The following RUNX1T1 variants were observed in gnomAD, a reference collection of about 807,000 sequenced individuals.
RUNX1T1 encodes the protein RUNX1 partner transcriptional co-repressor 1.
Under a neutral mutation model 62.8 loss-of-function variants are expected in RUNX1T1, and 4 were observed. That is an observed-to-expected ratio of 0.06 (90% confidence interval 0.03 to 0.15). RUNX1T1 has a LOEUF of 0.15. Ranked by LOEUF, RUNX1T1 falls within the 10% of genes least tolerant of loss-of-function variation. The pLI is 1.00. For missense variants in RUNX1T1, 508 were observed against 754.3 expected, an observed-to-expected ratio of 0.67 and a Z score of 3.82; for synonymous variants, 291 against 286.0, an observed-to-expected ratio of 1.02 and a Z score of -0.18.
chr8:92,073,543 C>T (rs1334718512), intron 2 of RUNX1T1, among the ~76,000 whole-genome samples: 1 of 152,098 alleles, frequency 6.6e-6, no homozygotes, highest in Non-Finnish European at 1.5e-5. Context: ...ATTACAACTC[C>T]AAAACTCTAA....
chr8:92,021,665 T>C (rs1824124274), intron 1 of RUNX1T1, among the ~76,000 whole-genome samples: 1 of 151,898 alleles, frequency 6.6e-6, no homozygotes, highest in Admixed American at 6.6e-5. Flanking sequence ...CAGAAAAAAA[T>C]GCAAAAATGA....
intron 1 of RUNX1T1, among the ~76,000 whole-genome samples, chr8:92,025,957 G>A (rs1825060333): frequency 6.6e-6 from 1 of 152,066 alleles, no homozygotes; most frequent in Non-Finnish European, 1.5e-5. Flanking sequence ...AGTTTGTAAG[G>A]CAATTTATAC....
upstream of RUNX1T1, among the ~76,000 whole-genome samples, chr8:92,101,399 G>C (rs1173409852): frequency 6.6e-6 from 1 of 152,114 alleles, no homozygotes; most frequent in Non-Finnish European, 1.5e-5. Flanking sequence ...CAGCTCTCCT[G>C]GTCTTCACTC....
chr8:92,076,036 C>G (rs766479050), exon 2 of RUNX1T1: 1 of 1,610,822 alleles, frequency 6.2e-7, no homozygotes, highest in South Asian at 1.1e-5. Flanking sequence ...CCAAGTGTTT[C>G]TTTTGACAGA....
At chr8:92,095,470 T>G in intron 1 of RUNX1T1, 1 of 1,533,432 alleles carries the variant, frequency 6.5e-7, no homozygotes, top group Non-Finnish European at 8.7e-7. Context: ...TGGCACATTG[T>G]GTGTGAGTGA....
At chr8:92,068,883 T>C (rs1010143723) in intron 2 of RUNX1T1, among the ~76,000 whole-genome samples, 14 of 152,186 alleles carry the variant, frequency 9.2e-5, no homozygotes, top group African/African-American at 3.4e-4. Flanking sequence ...TCTGTAGACA[T>C]GCAGCTTAAT....
At chr8:92,018,411 T>G (rs1284820861) in intron 1 of RUNX1T1, among the ~76,000 whole-genome samples, 1 of 152,336 alleles carries the variant, frequency 6.6e-6, no homozygotes, top group Admixed American at 6.5e-5. Flanking sequence ...TCAACAGCAG[T>G]ATCAGAGTCT....
At chr8:92,026,236 T>G (rs1039595181) in intron 1 of RUNX1T1, among the ~76,000 whole-genome samples, 1 of 152,184 alleles carries the variant, frequency 6.6e-6, no homozygotes, top group South Asian at 2.1e-4. Context: ...AAAACCCTAT[T>G]AGGATAAATC....
At chr8:91,959,335 G>T (rs950313155) in exon 11 of RUNX1T1, 1 of 223,564 alleles carries the variant, frequency 4.5e-6, no homozygotes, top group African/African-American at 2.2e-5. Context: ...GTGAAGAAAC[G>T]TTGAAGGGTT....
chr8:91,986,753 C>G lies in RUNX1T1; in HGVS notation c.996+134G>C, dbSNP rs1029964581. 2.6e-5 allele frequency: 17 copies of G among 659,838 alleles called. 1 individual carries two copies. In the South Asian group the frequency reaches 3.0e-4, roughly 12 times the overall value. The allele number at this position is 659,838 out of a possible 1,614,324, so 40.9% of individuals were successfully genotyped here. On this transcript the variant is annotated intron_variant, in intron 7 of 10. Transcript: ENST00000396218. The stretch of plus-strand genomic sequence containing the variant: ...TCCTATATTCTACTTCAGATATTCT[C>G]GCTCATTTTTTTTTCAAGGATAGCA...
chr8:91,978,814 A>G (rs1337723946), intron 8 of RUNX1T1, among the ~76,000 whole-genome samples: 3 of 152,166 alleles, frequency 2.0e-5, no homozygotes, highest in East Asian at 3.9e-4. Context: ...TTGGGGGTAC[A>G]TATACCACAC....
downstream of RUNX1T1, chr8:91,957,419 G>C (rs150132603): frequency 4.4e-6 from 1 of 229,810 alleles, no homozygotes; most frequent in East Asian, 6.2e-5. Context: ...CCACTGAGGA[G>C]AATGTAGCAA....
chr8:92,076,952 T>C (rs1367295130), intron 1 of RUNX1T1, among the ~76,000 whole-genome samples: 1 of 152,042 alleles, frequency 6.6e-6, no homozygotes, highest in Non-Finnish European at 1.5e-5. Flanking sequence ...AGCACAATCA[T>C]ACACATATAA....
chr8:91,986,911 T>C (rs1302022674), exon 7 of RUNX1T1: 1 of 1,610,846 alleles, frequency 6.2e-7, no homozygotes, highest in Non-Finnish European at 8.5e-7. Context: ...TCCACTCTTC[T>C]GCCCATTCTC....
chr8:92,072,726 G>C (rs1465618909), intron 2 of RUNX1T1, among the ~76,000 whole-genome samples: 2 of 152,146 alleles, frequency 1.3e-5, no homozygotes, highest in African/African-American at 4.8e-5. Context: ...AGCTCCATGT[G>C]GGGTAAAGCC....
chr8:92,082,521 G>T (rs1286973468), intron 1 of RUNX1T1, among the ~76,000 whole-genome samples: 2 of 152,084 alleles, frequency 1.3e-5, no homozygotes, highest in Non-Finnish European at 2.9e-5. Flanking sequence ...ATTCCATCAA[G>T]TCCTCCCTTG....
At chr8:91,989,132 A>G (rs77852807) in intron 6 of RUNX1T1, among the ~76,000 whole-genome samples, 1 of 152,326 alleles carries the variant, frequency 6.6e-6, no homozygotes, top group Non-Finnish European at 1.5e-5. Context: ...ATTTTAACTA[A>G]CTAGGATAAA....
At chr8:92,031,220 A>G (rs986065502) in intron 1 of RUNX1T1, among the ~76,000 whole-genome samples, 65 of 152,212 alleles carry the variant, frequency 4.3e-4, no homozygotes, top group African/African-American at 1.5e-3. Context: ...GTGTCTAAAC[A>G]TAAGCATCTT....
intron 10 of RUNX1T1, among the ~76,000 whole-genome samples, chr8:91,968,473 C>G (rs955251883): frequency 6.6e-6 from 1 of 152,126 alleles, no homozygotes; most frequent in Non-Finnish European, 1.5e-5. Flanking sequence ...ACTTAAAGCA[C>G]AAGGCAATAT....
Sources: allele counts gnomAD v4.1 joint callset (sites outside exome capture counted in the v4.1 genomes callset), GRCh38; gene constraint gnomAD v4.1.1; transcripts MANE v1.5; gene names NCBI Gene and HGNC (gene_info 2026-07-23, HGNC 2026-07-21).